The following TPCN1 variants were observed in gnomAD, a reference collection of about 807,000 sequenced individuals.
TPCN1 encodes the protein two pore channel protein 1.
Under a neutral mutation model 108.8 loss-of-function variants are expected in TPCN1, and 52 were observed. That is an observed-to-expected ratio of 0.48 (90% CI 0.38 to 0.60). TPCN1 has a LOEUF of 0.60. Among genes scored for constraint, TPCN1 ranks in the 20% least tolerant of loss-of-function variants. The pLI, the probability that TPCN1 is intolerant of heterozygous loss-of-function variation, is 0.00. For missense variants in TPCN1, 806 were observed against 1,072.8 expected (o/e 0.75, Z 3.47); for synonymous variants, 446 against 433.7 (o/e 1.03, Z -0.35).
At chr12:113,278,092 A>T in intron 12 of TPCN1, 97 bp from the exon 13 acceptor site, 1 of 977,832 alleles carries the variant, frequency 1.0e-6, no homozygotes, top group Non-Finnish European at 1.6e-6. Flanking sequence ...TTCCTCCCTC[A>T]CCCCATAAAG....
intron 1 of TPCN1, among the ~76,000 whole-genome samples, chr12:113,225,721 A>AT (rs1953446206): frequency 6.6e-6 from 1 of 151,782 alleles, no homozygotes; most frequent in African/African-American, 2.4e-5. Context: ...CGCCCAGCTA[A>AT]TTTTTTGAAT....
rs1955564936 is a variant in TPCN1, at chr12:113,273,295, G to A, written c.842+5G>A. The A allele has an allele frequency of 1.2e-6, 2 of 1,614,220 alleles. No homozygotes were observed. The highest frequency in any genetic ancestry group is 1.6e-4 in the Middle Eastern group (1 of 6,062). On this transcript the variant is annotated splice_donor_5th_base_variant and intron_variant, in intron 9 of 27. Transcript: ENST00000335509. This position sits in a 1 kb window ranked among gnomAD's most constrained non-coding sequence, Gnocchi z 4.0. ...TGTCCTTCTGACCACAGCCAAGTAA[G>A]TGCAGGCTCTGCCTTGCCTTTGGTC...
At chr12:113,260,122 A>G (rs1303865118) in intron 2 of TPCN1, among the ~76,000 whole-genome samples, 1 of 152,144 alleles carries the variant, frequency 6.6e-6, no homozygotes, top group Non-Finnish European at 1.5e-5. Context: ...TTTTGTACAC[A>G]TTAGAGAGCA....
chr12:113,280,259 G>A (rs540519524), intron 15 of TPCN1, 64 bp downstream of exon 15: 6 of 1,393,222 alleles, frequency 4.3e-6, no homozygotes, highest in East Asian at 4.6e-5. Flanking sequence ...TTCTAGAAGC[G>A]GGAGAGGCAA....
chr12:113,241,720 G>A (rs1954132056), intron 2 of TPCN1, among the ~76,000 whole-genome samples: 1 of 151,798 alleles, frequency 6.6e-6, no homozygotes, highest in African/African-American at 2.4e-5. Flanking sequence ...CACAGGTGCT[G>A]TACTCTTCAC....
At chr12:113,243,756 AAAAT>A (rs1954238481) in intron 2 of TPCN1, among the ~76,000 whole-genome samples, 2 of 152,192 alleles carry the variant, frequency 1.3e-5, no homozygotes, top group South Asian at 2.1e-4. Flanking sequence ...CTCCATCTCA[AAAAT>A]AAATAAATAA....
At chr12:113,255,241 T>C (rs1411398275) in intron 2 of TPCN1, among the ~76,000 whole-genome samples, 1 of 152,248 alleles carries the variant, frequency 6.6e-6, no homozygotes, top group East Asian at 1.9e-4. Context: ...GCTGTATTTC[T>C]GTATCCTAAC....
chr12:113,272,558 C>A lies in TPCN1; in HGVS notation c.749-100C>A, dbSNP rs764247613. The A allele has an allele frequency of 4.5e-5, 49 of 1,097,710 alleles. No homozygotes were observed. Among genetic ancestry groups the A allele is most frequent in the Non-Finnish European group, 5.8e-5 (41 of 710,110 alleles). The allele number at this position is 1,097,710 out of a possible 1,614,324, so 68.0% of individuals were successfully genotyped here. A position where few individuals can be genotyped will look rare whatever the true frequency, so the allele number is the denominator to read the frequency against. On this transcript the variant is annotated intron_variant, in intron 7 of 27. Transcript: ENST00000335509. The surrounding 1 kb of genome is among the most constrained non-coding windows in gnomAD (Gnocchi z 4.1). Reference sequence around the variant, plus strand: ...AGCAGTCCCTGCTGCTCTTCCTGACCTGCTGCGTTCATTTGCATGTATTTG... The same window carrying A: ...AGCAGTCCCTGCTGCTCTTCCTGACATGCTGCGTTCATTTGCATGTATTTG...
At position 113,297,259 on chromosome 12, in the gene TPCN1, G is replaced by A. The variant is rs1035895039; in HGVS notation, c.*1183G>A. On this transcript the variant is annotated 3_prime_UTR_variant, in exon 28 of 28. Transcript: ENST00000335509. This position sits in a 1 kb window ranked among gnomAD's most constrained non-coding sequence, Gnocchi z 4.4. ...CTGCAGTGACCCTGCCACAGAGGCAGGGTCAGTGCAGAGGTCGCTTTGGTT... is the reference window on the plus strand; with the variant it reads ...CTGCAGTGACCCTGCCACAGAGGCAAGGTCAGTGCAGAGGTCGCTTTGGTT... The A allele has an allele frequency of 6.5e-6, 1 of 153,108 alleles. No individual in the cohort carries two copies. Among genetic ancestry groups the A allele is most frequent in the Non-Finnish European group, 1.5e-5 (1 of 68,270 alleles). The allele number at this position is 153,108 out of a possible 1,614,324, so 9.5% of individuals were successfully genotyped here.
chr12:113,226,806 T>C lies in TPCN1; in HGVS notation c.-47T>C. 1 of 1,613,394 alleles carries C rather than the reference T, an allele frequency of 6.2e-7. No homozygotes were observed. Among genetic ancestry groups the C allele is most frequent in the Non-Finnish European group, 8.5e-7 (1 of 1,179,688 alleles). ...GAAAGGGAGCTCAAACCAGAGACTA[T>C]TTCAAGCCCTGGATATCATATCCTG... On this transcript the variant is annotated 5_prime_UTR_variant, in exon 2 of 28. Coordinates refer to ENST00000335509, the MANE Select transcript of TPCN1 (RefSeq NM_017901.6).
rs1953733369 is a variant in TPCN1, at chr12:113,232,718, T to C, written c.112+5754T>C. Among the ~76,000 whole-genome samples, 1 of 152,194 alleles carries C rather than the reference T, an allele frequency of 6.6e-6. No individual in the cohort carries two copies. Among genetic ancestry groups the C allele is most frequent in the Non-Finnish European group, 1.5e-5 (1 of 68,024 alleles). ...CTACCAGTAGAGTCGTCATGGGGGA[T>C]TGAGTGAGAGCATGTGTGTGATCAC... On this transcript the variant is annotated intron_variant, in intron 2 of 27. Transcript: ENST00000335509. The surrounding 1 kb of genome is among the most constrained non-coding windows in gnomAD (Gnocchi z 5.6).
rs971042220 is a variant in TPCN1, at chr12:113,289,846, C to T, written c.1797-282C>T. Among the ~76,000 whole-genome samples, 20 of 152,114 alleles carry T rather than the reference C, an allele frequency of 1.3e-4. No homozygotes were observed. The highest frequency in any genetic ancestry group is 4.1e-4 in the African/African-American group (17 of 41,412). ...CCTCTCCTCCCTCCCCTGCAAGCAACGGTGAGAGAGAAGGCCCTGCCTGCA... is the reference window on the plus strand; with the variant it reads ...CCTCTCCTCCCTCCCCTGCAAGCAATGGTGAGAGAGAAGGCCCTGCCTGCA... On this transcript the variant is annotated intron_variant, in intron 21 of 27. Transcript: ENST00000335509. The surrounding 1 kb of genome is among the most constrained non-coding windows in gnomAD (Gnocchi z 4.1).
chr12:113,276,854 C>T (rs1368701882), intron 10 of TPCN1, 65 bp from the exon 11 acceptor site: 2 of 1,091,396 alleles, frequency 1.8e-6, no homozygotes, highest in South Asian at 1.3e-5. Flanking sequence ...AACTCATACC[C>T]CCCTGCACTC....
chr12:113,260,597 ATGC>A, intron 3 of TPCN1, 105 bp downstream of exon 3: 12 of 1,370,362 alleles, frequency 8.8e-6, no homozygotes, highest in South Asian at 1.4e-5. Context: ...GCATCAGTTC[ATGC>A]TGCTGCTGCT....
chr12:113,251,625 T>C (rs1298593510), intron 2 of TPCN1, among the ~76,000 whole-genome samples: 1 of 152,266 alleles, frequency 6.6e-6, no homozygotes, highest in Non-Finnish European at 1.5e-5. Context: ...TGGTGCTCCA[T>C]GGTCACCTGT....
intron 27 of TPCN1, among the ~76,000 whole-genome samples, chr12:113,294,695 T>A (rs1222940291): frequency 6.6e-6 from 1 of 152,036 alleles, no homozygotes; most frequent in Non-Finnish European, 1.5e-5. Context: ...CTTTACATAT[T>A]GGCAGCTAAG....
chr12:113,262,684 A>G (rs1222862509), intron 3 of TPCN1, among the ~76,000 whole-genome samples: 1 of 152,196 alleles, frequency 6.6e-6, no homozygotes, highest in Non-Finnish European at 1.5e-5. Flanking sequence ...TGAAGCCCTA[A>G]GGATCCTGAT....
Position 113,284,837 on chromosome 12 carries a change from G to A in TPCN1, c.1453+66G>A. On this transcript the variant is annotated intron_variant, in intron 17 of 27. Coordinates refer to ENST00000335509, the MANE Select transcript of TPCN1 (RefSeq NM_017901.6). The surrounding 1 kb of genome is among the most constrained non-coding windows in gnomAD (Gnocchi z 4.1). ...AATTGTCTGGGAGAACTTTCATTCA[G>A]TGTAGAACCTCATGGTTCTTCTCTA... 6.5e-6 allele frequency: 10 copies of A among 1,532,684 alleles called. No homozygotes were observed. Among genetic ancestry groups the A allele is most frequent in the East Asian group, 2.2e-5 (1 of 44,460 alleles). The allele number at this position is 1,532,684 out of a possible 1,614,324, so 94.9% of individuals were successfully genotyped here. A position where few individuals can be genotyped will look rare whatever the true frequency, so the allele number is the denominator to read the frequency against.
At chr12:113,225,800 C>T (rs145996065) in intron 1 of TPCN1, among the ~76,000 whole-genome samples, 2,595 of 152,032 alleles carry the variant, frequency 0.017, 58 homozygotes, top group African/African-American at 0.058. Flanking sequence ...AGGATCCGCC[C>T]GCCTCGGCCT....
Sources: allele counts gnomAD v4.1 joint callset (sites outside exome capture counted in the v4.1 genomes callset), GRCh38; gene constraint gnomAD v4.1.1; non-coding constraint Gnocchi (gnomAD v3.1); transcripts MANE v1.5; gene names NCBI Gene and HGNC (gene_info 2026-07-23, HGNC 2026-07-21).